Variants in DGLUCY observed in about 807,000 individuals in gnomAD.
The protein encoded by DGLUCY is D-glutamate cyclase, also known as D-glutamate cyclase, mitochondrial.
A neutral mutation model predicts 58.5 loss-of-function variants in DGLUCY; 58 were observed. That is an observed-to-expected ratio of 0.99 (90% CI 0.80 to 1.23). The LOEUF (loss-of-function observed/expected upper bound fraction) is 1.23. Ranked by LOEUF, DGLUCY falls within the 50% of genes most tolerant of loss-of-function variation. DGLUCY has a pLI of 0.00. For missense variants in DGLUCY, 779 were observed against 784.7 expected (o/e 0.99, Z 0.09); for synonymous variants, 325 against 314.1 (o/e 1.03, Z -0.37).
Position 91,079,259 on chromosome 14 carries a change from AT to A in DGLUCY, c.-82+18557del, listed in dbSNP as rs200952214. Among the ~76,000 whole-genome samples, 1,144 of 152,130 alleles carry A rather than the reference AT, an allele frequency of 7.5e-3. 9 individuals are homozygous for A. Among genetic ancestry groups the A allele is most frequent in the Middle Eastern group, 0.028 (8 of 290 alleles). On this transcript the variant is annotated intron_variant, in intron 1 of 4. Transcript: ENST00000521334. ...ACTTGGGAATCATTCTGAGCGCAAT[AT>A]TATACGCTGCCCTTTTTGGCTTAAC...
intron 1 of DGLUCY, among the ~76,000 whole-genome samples, chr14:91,069,005 G>A (rs1202205908): frequency 6.6e-6 from 1 of 152,218 alleles, no homozygotes; most frequent in Non-Finnish European, 1.5e-5. Context: ...TGTTATTAGG[G>A]AAGAGTGAAG....
intron 10 of DGLUCY, among the ~76,000 whole-genome samples, chr14:91,199,206 C>T (rs370818921): frequency 6.6e-6 from 1 of 152,066 alleles, no homozygotes. Context: ...CCATTGGCCT[C>T]CTGCTTTTAT....
intron 11 of DGLUCY, among the ~76,000 whole-genome samples, chr14:91,201,233 C>T (rs1292441771): frequency 2.0e-5 from 3 of 151,954 alleles, no homozygotes; most frequent in Non-Finnish European, 4.4e-5. Flanking sequence ...TGCTTCAGCC[C>T]ATCTAGATGT....
At position 91,189,978 on chromosome 14, in the gene DGLUCY, CTTTTTTTTTTTTTTT is replaced by C. The variant is rs55652724; in HGVS notation, c.1195+821_1195+835del. 3.7e-5 allele frequency among the ~76,000 whole-genome samples: 3 copies of C among 81,024 alleles called. No homozygotes were observed. The Admixed American group carries it at 4.4e-4, about 12-fold the overall frequency. The allele number at this position is 81,024 out of a possible 152,430, so 53.2% of individuals were successfully genotyped here. A position where few individuals can be genotyped will look rare whatever the true frequency, so the allele number is the denominator to read the frequency against. The stretch of plus-strand genomic sequence containing the variant: ...TATGTGCCAGGCACTCTGTTAGGTT[CTTTTTTTTTTTTTTT>C]TTTTTTTTTTTTGAGACGGAGTCTC... On this transcript the variant is annotated intron_variant, in intron 9 of 13. Coordinates refer to ENST00000256324, the MANE Select transcript of DGLUCY (RefSeq NM_001102368.3).
chr14:91,196,255 A>G (rs2050199451), intron 9 of DGLUCY, 120 bp from the exon 10 acceptor site: 2 of 723,686 alleles, frequency 2.8e-6, no homozygotes, highest in Non-Finnish European at 4.7e-6. Flanking sequence ...CATGTTCTAC[A>G]GATAGATGTT....
chr14:91,163,939 C>T (rs1409294584), intron 3 of DGLUCY, among the ~76,000 whole-genome samples: 1 of 152,070 alleles, frequency 6.6e-6, no homozygotes, highest in Non-Finnish European at 1.5e-5. Context: ...AGGGTATTCT[C>T]CAATAGAGCA....
At chr14:91,175,435 C>T (rs2048803056) in intron 6 of DGLUCY, among the ~76,000 whole-genome samples, 1 of 152,196 alleles carries the variant, frequency 6.6e-6, no homozygotes, top group South Asian at 2.1e-4. Context: ...CTAGCTTCAT[C>T]ACATGAGGAT....
chr14:91,187,849 G>GT (rs1016445440), intron 8 of DGLUCY, among the ~76,000 whole-genome samples: 3 of 151,094 alleles, frequency 2.0e-5, no homozygotes, highest in South Asian at 2.1e-4. Flanking sequence ...ATCCTTTACT[G>GT]TTTTTTTTTC....
chr14:91,118,208 G>A (rs572248154), intron 1 of DGLUCY, among the ~76,000 whole-genome samples: 1 of 151,418 alleles, frequency 6.6e-6, no homozygotes, highest in South Asian at 2.1e-4. Context: ...AGCCTCCCAA[G>A]TAGCTGGGAT....
At chr14:91,150,362 G>C (rs2047256682) in intron 1 of DGLUCY, among the ~76,000 whole-genome samples, 1 of 152,082 alleles carries the variant, frequency 6.6e-6, no homozygotes, top group Non-Finnish European at 1.5e-5. Context: ...GACACACACT[G>C]AGTCTGGTGT....
chr14:91,134,621 A>G (rs1049857380), intron 1 of DGLUCY, among the ~76,000 whole-genome samples: 5 of 152,034 alleles, frequency 3.3e-5, no homozygotes, highest in Admixed American at 2.0e-4. Flanking sequence ...TATTTTTAGT[A>G]GAGACAGGGT....
chr14:91,199,338 C>A (rs941353986), intron 10 of DGLUCY, among the ~76,000 whole-genome samples: 4 of 151,894 alleles, frequency 2.6e-5, no homozygotes, highest in African/African-American at 7.3e-5. Context: ...CAGCTCACTG[C>A]AACCTCTGCC....
chr14:91,186,277 T>C lies in DGLUCY; in HGVS notation c.935-2633T>C, dbSNP rs1739973466. ...CCCCCCTTTTTTTGAGACAGAGTCT[T>C]GCTCTGTCACCCAGGCTGGAGTGCA... On this transcript the variant is annotated intron_variant, in intron 8 of 13. Coordinates refer to ENST00000256324, the MANE Select transcript of DGLUCY (RefSeq NM_001102368.3). 2.0e-5 allele frequency among the ~76,000 whole-genome samples: 3 copies of C among 152,076 alleles called. No homozygotes were observed. In the South Asian group the frequency reaches 6.2e-4, roughly 32 times the overall value.
At chr14:91,178,424 A>C (rs2048985150) in intron 7 of DGLUCY, among the ~76,000 whole-genome samples, 1 of 152,076 alleles carries the variant, frequency 6.6e-6, no homozygotes, top group Non-Finnish European at 1.5e-5. Flanking sequence ...TCAGCCTCCC[A>C]AAGTGCTGGG....
intron 7 of DGLUCY, among the ~76,000 whole-genome samples, chr14:91,176,593 T>C (rs1269041114): frequency 6.6e-6 from 1 of 152,158 alleles, no homozygotes. Context: ...CTCAATTTTT[T>C]TGTCGTTGGT....
intron 3 of DGLUCY, among the ~76,000 whole-genome samples, chr14:91,163,504 C>T (rs1049927580): frequency 3.3e-5 from 5 of 152,134 alleles, no homozygotes; most frequent in South Asian, 2.1e-4. Context: ...GGCACTGTAG[C>T]GACTGTGATA....
chr14:91,209,451 G>A (rs1188425852), intron 12 of DGLUCY, among the ~76,000 whole-genome samples: 2 of 152,174 alleles, frequency 1.3e-5, no homozygotes, highest in Admixed American at 1.3e-4. Flanking sequence ...GCTCACGCCT[G>A]TAATCCCAGC....
chr14:91,094,558 G>A (rs2044364989), intron 1 of DGLUCY, among the ~76,000 whole-genome samples: 1 of 150,702 alleles, frequency 6.6e-6, no homozygotes, highest in Admixed American at 6.6e-5. Flanking sequence ...CTTCAGGCCT[G>A]GGTCAGGCGC....
chr14:91,131,053 G>T (rs1262107637), intron 1 of DGLUCY, among the ~76,000 whole-genome samples: 1 of 152,016 alleles, frequency 6.6e-6, no homozygotes, highest in Admixed American at 6.6e-5. Flanking sequence ...GCTCAAGCAA[G>T]CCTCCTGCCT....
Sources: gnomAD v4.1 joint callset for allele counts (sites outside exome capture counted in the v4.1 genomes callset) on GRCh38, gnomAD v4.1.1 for gene constraint, MANE v1.5 for transcripts, NCBI Gene and HGNC (gene_info 2026-07-23, HGNC 2026-07-21) for gene names.